The following NUP133 variants were observed in gnomAD, a reference collection of about 807,000 sequenced individuals.
NUP133 encodes the protein nucleoporin 133.
Under a neutral mutation model 146.2 loss-of-function variants are expected in NUP133, and 66 were observed. The observed-to-expected ratio is 0.45, with a 90% CI of 0.37 to 0.55. NUP133 has a LOEUF of 0.55. NUP133 is among the 20% of genes least tolerant of loss of function. NUP133 has a pLI of 0.00. For synonymous variants in NUP133, 521 were observed against 498.8 expected, an observed-to-expected ratio of 1.04 and a Z score of -0.59; for missense variants, 1,277 against 1,374.8, an observed-to-expected ratio of 0.93 and a Z score of 1.12.
At chr1:229,466,320 G>A (rs911228913) in intron 16 of NUP133, among the ~76,000 whole-genome samples, 11 of 136,164 alleles carry the variant, frequency 8.1e-5, no homozygotes, top group Admixed American at 7.6e-5. Context: ...GGGTGACAGT[G>A]AGACCTTCTC....
In NUP133 at chr1:229,441,493, AG is replaced by A. The variant is rs1660181678; in HGVS notation, c.*410del. ...AACTGAAACAGATATCAAACACCCT[AG>A]ATTCTCTTCAGTGCAAAGTATCTGG... On this transcript the variant is annotated 3_prime_UTR_variant, in exon 26 of 26. Coordinates refer to ENST00000261396, the MANE Select transcript of NUP133 (RefSeq NM_018230.3). 1.9e-6 allele frequency: 1 copy of A among 528,388 alleles called. No individual in the cohort carries two copies. Among genetic ancestry groups the A allele is most frequent in the Non-Finnish European group, 3.9e-6 (1 of 257,816 alleles). 32.7% of individuals were successfully genotyped at this position (528,388 alleles called of 1,614,324 possible).
At position 229,499,766 on chromosome 1, in the gene NUP133, C is replaced by G. The variant is rs763699302; in HGVS notation, c.566G>C (p.Ser189Thr). The change falls in exon 5 of 26, where the codon AGC (serine) becomes ACC (threonine). Residue 189 changes from serine to threonine, a missense_variant. Transcript: ENST00000261396. The stretch of plus-strand genomic sequence containing the variant: ...TGTGTAGGTATCTTCACCAGCAAGG[C>G]TTGGCCAATAGCGGATAGATCCTTC... ...TREGSIRYWP[S>T]LAGEDTYTEA... 10 of 1,614,120 alleles carry G rather than the reference C, an allele frequency of 6.2e-6. No homozygotes were observed. Among genetic ancestry groups the G allele is most frequent in the South Asian group, 4.4e-5 (4 of 91,078 alleles).
intron 21 of NUP133, among the ~76,000 whole-genome samples, chr1:229,457,036 T>A (rs368231814): frequency 2.0e-5 from 3 of 151,798 alleles, no homozygotes; most frequent in African/African-American, 7.3e-5. Context: ...CTAAGTTGCC[T>A]AGGCTGGCAC....
intron 12 of NUP133, among the ~76,000 whole-genome samples, chr1:229,478,489 T>C (rs1313475862): frequency 6.6e-6 from 1 of 151,430 alleles, no homozygotes; most frequent in East Asian, 2.0e-4. Flanking sequence ...AGAACATACA[T>C]CCACATCCGT....
chr1:229,488,158 T>A (rs920213079), intron 9 of NUP133, among the ~76,000 whole-genome samples: 9 of 152,150 alleles, frequency 5.9e-5, no homozygotes, highest in African/African-American at 1.9e-4. Context: ...AATTGTTAAT[T>A]TCCAAAATTA....
intron 8 of NUP133, among the ~76,000 whole-genome samples, chr1:229,492,167 C>T (rs1349730037): frequency 6.6e-6 from 1 of 150,484 alleles, no homozygotes; most frequent in Non-Finnish European, 1.5e-5. Flanking sequence ...AGTGCCGGGG[C>T]GTGATCTCGG....
chr1:229,472,670 G>A (rs1476073973), intron 14 of NUP133, among the ~76,000 whole-genome samples: 6 of 140,854 alleles, frequency 4.3e-5, no homozygotes, highest in Non-Finnish European at 9.2e-5. Context: ...GTGACAGAGT[G>A]AGACCCTGTC....
intron 22 of NUP133, among the ~76,000 whole-genome samples, chr1:229,451,829 G>A (rs1021356249): frequency 6.6e-6 from 1 of 152,158 alleles, no homozygotes; most frequent in Non-Finnish European, 1.5e-5. Flanking sequence ...TAATGCATTA[G>A]AGTAAAATCG....
intron 11 of NUP133, 135 bp from the exon 12 acceptor site, chr1:229,484,280 G>T: frequency 1.9e-6 from 1 of 522,736 alleles, no homozygotes; most frequent in Non-Finnish European, 3.3e-6. Flanking sequence ...TGTACCAGGG[G>T]TGTCCAATCT....
In NUP133 at chr1:229,466,723, G is replaced by A. The variant is rs1660835677; in HGVS notation, c.2110C>T (p.Leu704=). 2 of 1,614,018 alleles carry A rather than the reference G, an allele frequency of 1.2e-6. No individual in the cohort carries two copies. The highest frequency in any genetic ancestry group is 1.1e-5 in the South Asian group (1 of 91,078). The change falls in exon 16 of 26, where the codon CTG becomes TTG. Residue 704 remains leucine (L), a synonymous_variant. Transcript: ENST00000261396. ...SQVDTICECL[L]EHEEQVLRDA... ...CTCAAGACTTGCTCCTCATGCTCCA[G>A]TAAGCACTCACAGATGGTATCTACT...
intron 6 of NUP133, 59 bp from the exon 7 acceptor site, chr1:229,496,106 A>G (rs1571937850): frequency 7.5e-7 from 1 of 1,329,740 alleles, no homozygotes. Flanking sequence ...CTAAGGAACT[A>G]TTGTTTTAAA....
chr1:229,489,927 T>G (rs773577763), intron 9 of NUP133, 28 bp downstream of exon 9: 1 of 1,534,500 alleles, frequency 6.5e-7, no homozygotes, highest in Non-Finnish European at 8.8e-7. Flanking sequence ...ATATTATTGC[T>G]TTGTAATTTA....
chr1:229,483,696 C>CAAAAAAAAAAAAAA (rs35673633), intron 12 of NUP133, among the ~76,000 whole-genome samples: 1 of 57,536 alleles, frequency 1.7e-5, no homozygotes, highest in Admixed American at 2.3e-4. Flanking sequence ...CGGAGTGTCT[C>CAAAAAAAAAAAAAA]AAAAAAAAAA....
At chr1:229,501,144 A>C (rs1324995152) in intron 3 of NUP133, among the ~76,000 whole-genome samples, 1 of 152,232 alleles carries the variant, frequency 6.6e-6, no homozygotes, top group African/African-American at 2.4e-5. Context: ...TTAAGAGAAG[A>C]CTAAGTAAGG....
rs115183630 is a variant in NUP133, at chr1:229,454,082, A to G, written c.2981-1439T>C. Among the ~76,000 whole-genome samples the G allele has an allele frequency of 9.0e-3, 1,372 of 152,284 alleles. 19 individuals carry two copies. The highest frequency in any genetic ancestry group is 0.031 in the African/African-American group (1,296 of 41,540). On this transcript the variant is annotated intron_variant, in intron 21 of 25. Coordinates refer to ENST00000261396, the MANE Select transcript of NUP133 (RefSeq NM_018230.3). Reference sequence around the variant, plus strand: ...GTTGTTCAAGGGTCAACTGAGTTTCATTCGCAAATGGAAATGATGTAAAAG... The same window carrying G: ...GTTGTTCAAGGGTCAACTGAGTTTCGTTCGCAAATGGAAATGATGTAAAAG...
intron 24 of NUP133, among the ~76,000 whole-genome samples, chr1:229,448,585 C>A (rs1319550886): frequency 6.6e-6 from 1 of 152,154 alleles, no homozygotes; most frequent in African/African-American, 2.4e-5. Context: ...GCAGCCCACG[C>A]CGCTGCTCTG....
intron 9 of NUP133, 58 bp from the exon 10 acceptor site, chr1:229,487,671 A>AT: frequency 6.8e-6 from 8 of 1,184,470 alleles, no homozygotes; most frequent in Non-Finnish European, 9.5e-6. Context: ...TATTTGTATG[A>AT]TTTTTTAAAT....
At chr1:229,479,072 A>G (rs1046970042) in intron 12 of NUP133, among the ~76,000 whole-genome samples, 53 of 149,406 alleles carry the variant, frequency 3.5e-4, no homozygotes, top group African/African-American at 1.2e-3. Flanking sequence ...TGACAGAGAC[A>G]GAGAGAGAGA....
chr1:229,494,084 C>T (rs1442858978), intron 8 of NUP133, among the ~76,000 whole-genome samples: 4 of 151,940 alleles, frequency 2.6e-5, no homozygotes, highest in Non-Finnish European at 2.9e-5. Context: ...GAGCCAAGAC[C>T]ATGCCATTGT....
Sources: gnomAD v4.1 joint callset for allele counts (sites outside exome capture counted in the v4.1 genomes callset) on GRCh38, gnomAD v4.1.1 for gene constraint, MANE v1.5 for transcripts, NCBI Gene and HGNC (gene_info 2026-07-23, HGNC 2026-07-21) for gene names.